Variants in DIAPH2 observed in about 807,000 individuals in gnomAD.
DIAPH2 encodes the protein diaphanous related formin 2.
Under a neutral mutation model 92.7 loss-of-function variants are expected in DIAPH2, and 35 were observed. That is an observed-to-expected ratio of 0.38 (90% CI 0.29 to 0.50). DIAPH2 has a LOEUF of 0.50. Among genes scored for constraint, DIAPH2 ranks in the 20% least tolerant of loss-of-function variants. The pLI is 0.94. For synonymous variants in DIAPH2, 301 were observed against 280.4 expected (o/e 1.07, Z -0.73); for missense variants, 701 against 819.5 (o/e 0.86, Z 1.77).
chrX:97,416,971 C>T (rs1368629670), intron 25 of DIAPH2, among the ~76,000 whole-genome samples: 1 of 111,778 alleles, frequency 8.9e-6, no homozygotes, highest in Non-Finnish European at 1.9e-5. Flanking sequence ...CCTTCAGGTA[C>T]CTGGGTCCGA....
At chrX:96,986,113 G>C in intron 17 of DIAPH2, among the ~76,000 whole-genome samples, 1 of 110,935 alleles carries the variant, frequency 9.0e-6, no homozygotes, top group Middle Eastern at 4.3e-3. Context: ...AAATCATACT[G>C]TGTCACTTTT....
rs1256937646 is a variant in DIAPH2 at position 96,939,910 on chromosome X, G to A, written c.1325+528G>A. On this transcript the variant is annotated intron_variant, in intron 12 of 26. Coordinates refer to ENST00000324765, the MANE Select transcript of DIAPH2 (RefSeq NM_006729.5). ...GATCTCCTGACCTCGTGATCCGCCCGTCTCGGCCTCCCAAAGTGCTGGGAT... is the reference window on the plus strand; with the variant it reads ...GATCTCCTGACCTCGTGATCCGCCCATCTCGGCCTCCCAAAGTGCTGGGAT... 2.4e-5 allele frequency among the ~76,000 whole-genome samples: 2 copies of A among 83,762 alleles called. 1 individual carries two copies. Among genetic ancestry groups the A allele is most frequent in the African/African-American group, 1.2e-4 (2 of 16,240 alleles). The allele number at this position is 83,762 out of a possible 115,157, so 72.7% of individuals were successfully genotyped here. A position where few individuals can be genotyped will look rare whatever the true frequency, so the allele number is the denominator to read the frequency against.
chrX:97,484,716 G>C (rs780910156), intron 26 of DIAPH2, among the ~76,000 whole-genome samples: 4 of 111,100 alleles, frequency 3.6e-5, no homozygotes, highest in Non-Finnish European at 7.6e-5. Flanking sequence ...GGCTAACACG[G>C]TGAAACCCCA....
intron 22 of DIAPH2, among the ~76,000 whole-genome samples, chrX:97,149,120 G>GT (rs1394240969): frequency 9.0e-6 from 1 of 111,727 alleles, no homozygotes; most frequent in East Asian, 2.8e-4. Context: ...AAATCTTTGA[G>GT]TTTTTTAGTA....
chrX:97,595,545 G>A (rs191372534), intron 26 of DIAPH2, among the ~76,000 whole-genome samples: 1 of 110,595 alleles, frequency 9.0e-6, no homozygotes, highest in African/African-American at 3.3e-5. Flanking sequence ...TTTCTCCATA[G>A]GATGCACATT....
At chrX:97,181,238 T>C (rs1475294116) in intron 22 of DIAPH2, among the ~76,000 whole-genome samples, 3 of 110,094 alleles carry the variant, frequency 2.7e-5, no homozygotes, top group African/African-American at 1.0e-4. Flanking sequence ...GGGTAATTTT[T>C]GTATTTTTAG....
chrX:97,369,438 GCCCTTA>G (rs1018848270), intron 24 of DIAPH2, among the ~76,000 whole-genome samples: 3 of 106,919 alleles, frequency 2.8e-5, no homozygotes, highest in Non-Finnish European at 3.9e-5. Context: ...TAACTTCATT[GCCCTTA>G]CCAGCAATAT....
chrX:97,282,371 G>A (rs927627048), intron 23 of DIAPH2, among the ~76,000 whole-genome samples: 1 of 111,780 alleles, frequency 8.9e-6, no homozygotes, highest in South Asian at 3.8e-4. Context: ...TTGGCTCACT[G>A]CAACCTCGGC....
chrX:97,002,078 T>G (rs1248428781), intron 17 of DIAPH2, among the ~76,000 whole-genome samples: 2 of 111,083 alleles, frequency 1.8e-5, no homozygotes, highest in Non-Finnish European at 3.8e-5. Flanking sequence ...AAATGTATAT[T>G]AGTCTCAGTG....
chrX:97,000,247 T>C (rs915554246), intron 17 of DIAPH2, among the ~76,000 whole-genome samples: 16 of 111,671 alleles, frequency 1.4e-4, no homozygotes, highest in Admixed American at 5.7e-4. Context: ...CCACTGTGAG[T>C]ACAAGACATA....
intron 24 of DIAPH2, among the ~76,000 whole-genome samples, chrX:97,361,462 C>T (rs2069324599): frequency 1.8e-5 from 2 of 111,891 alleles, no homozygotes; most frequent in African/African-American, 6.5e-5. Flanking sequence ...TGCTTTTGAA[C>T]GCACTAGCAT....
intron 1 of DIAPH2, among the ~76,000 whole-genome samples, chrX:96,732,577 G>A (rs959317342): frequency 3.6e-5 from 4 of 111,739 alleles, no homozygotes; most frequent in African/African-American, 1.3e-4. Context: ...ATCAGGAGTG[G>A]GGTGTTTTTC....
chrX:97,047,542 CTTTTTTTTTTTTT>C (rs5903064), intron 17 of DIAPH2, among the ~76,000 whole-genome samples: 5 of 30,108 alleles, frequency 1.7e-4, no homozygotes, highest in African/African-American at 6.3e-4. Context: ...ATAAAATAGG[CTTTTTTTTTTTTT>C]TTTTTTTTTT....
At chrX:97,098,962 A>C (rs184682161) in intron 19 of DIAPH2, among the ~76,000 whole-genome samples, 145 of 112,331 alleles carry the variant, frequency 1.3e-3, no homozygotes, top group African/African-American at 4.4e-3. Flanking sequence ...TGTGTACTTA[A>C]ATATAGACAT....
intron 22 of DIAPH2, among the ~76,000 whole-genome samples, chrX:97,184,574 A>T (rs911322231): frequency 1.8e-5 from 2 of 111,245 alleles, no homozygotes; most frequent in African/African-American, 6.5e-5. Flanking sequence ...GAAATTCTCA[A>T]TCCAGCCAGA....
intron 23 of DIAPH2, among the ~76,000 whole-genome samples, chrX:97,312,349 T>TAA (rs2068802797): frequency 1.4e-5 from 1 of 72,949 alleles, no homozygotes; most frequent in African/African-American, 5.2e-5. Flanking sequence ...AGAATCCTTT[T>TAA]TTTTTTTTTT....
intron 26 of DIAPH2, among the ~76,000 whole-genome samples, chrX:97,478,214 T>G (rs182315236): frequency 8.9e-6 from 1 of 112,249 alleles, no homozygotes; most frequent in East Asian, 2.8e-4. Context: ...CTTAACACAT[T>G]CAATTTGTAA....
chrX:97,060,992 G>A (rs1054257977), intron 17 of DIAPH2, among the ~76,000 whole-genome samples: 25 of 76,672 alleles, frequency 3.3e-4, no homozygotes, highest in Admixed American at 4.8e-4. Flanking sequence ...GCACACGTGC[G>A]CATGCACACA....
intron 4 of DIAPH2, among the ~76,000 whole-genome samples, chrX:96,856,963 C>T (rs1370152878): frequency 9.1e-6 from 1 of 109,580 alleles, no homozygotes; most frequent in Non-Finnish European, 1.9e-5. Context: ...CGCTTGAACC[C>T]GAGAGTCAGA....
Sources: allele counts gnomAD v4.1 joint callset (sites outside exome capture counted in the v4.1 genomes callset), GRCh38; gene constraint gnomAD v4.1.1; transcripts MANE v1.5; gene names NCBI Gene and HGNC (gene_info 2026-07-23, HGNC 2026-07-21).